MAGI1: variants seen among roughly 807,000 people sequenced by gnomAD.
MAGI1 encodes membrane-associated guanylate kinase, WW and PDZ domain-containing protein 1.
MAGI1 carries 58 observed loss-of-function variants against 139.9 expected under a neutral mutation model. The observed-to-expected ratio is 0.41, with a 90% CI of 0.34 to 0.52. The LOEUF (loss-of-function observed/expected upper bound fraction) is 0.52. Among genes scored for constraint, MAGI1 ranks in the 20% least tolerant of loss-of-function variants. The probability of loss-of-function intolerance (pLI) is 0.12; values close to 1 mark genes in which losing one functional copy is unlikely to be tolerated. For missense variants in MAGI1, 1,874 were observed against 1,901.6 expected (o/e 0.99, Z 0.27); for synonymous variants, 812 against 737.9 (o/e 1.10, Z -1.63).
intron 1 of MAGI1, among the ~76,000 whole-genome samples, chr3:65,922,312 C>G (rs1309126538): frequency 6.6e-6 from 1 of 152,180 alleles, no homozygotes; most frequent in African/African-American, 2.4e-5. Flanking sequence ...ACATGTGACC[C>G]TATTTAGAAA....
At chr3:65,691,307 A>AAAAAAAAAAAAAGAAAAAAAAG (rs1388046202) in intron 1 of MAGI1, among the ~76,000 whole-genome samples, 1 of 133,658 alleles carries the variant, frequency 7.5e-6, no homozygotes, top group Non-Finnish European at 1.7e-5. Flanking sequence ...CGTCTCAAAA[A>AAAAAAAAAAAAAGAAAAAAAAG]AAAAAAAAGA....
chr3:65,676,746 C>T (rs2087215812), intron 1 of MAGI1, among the ~76,000 whole-genome samples: 1 of 152,206 alleles, frequency 6.6e-6, no homozygotes, highest in African/African-American at 2.4e-5. Flanking sequence ...AAGCCCAATC[C>T]TTTTGTTCTT....
At chr3:65,916,190 C>A (rs2061896645) in intron 1 of MAGI1, among the ~76,000 whole-genome samples, 1 of 152,010 alleles carries the variant, frequency 6.6e-6, no homozygotes, top group African/African-American at 2.4e-5. Context: ...CCTAAACCTC[C>A]CAAGAAGCTG....
chr3:65,379,369 T>C lies in MAGI1; in HGVS notation c.2887A>G (p.Ser963Gly). 1.6e-5 allele frequency: 26 copies of C among 1,612,634 alleles called. No individual in the cohort carries two copies. The highest frequency in any genetic ancestry group is 2.2e-5 in the Non-Finnish European group (26 of 1,179,212). ...SGGGGGSGVV[S>G]TVVQPYDVEI... is the part of the protein sequence containing the mutation. The stretch of plus-strand genomic sequence containing the variant: ...ACGTCGTAGGGCTGCACCACGGTGC[T>C]GACCACGCCGCTGCCCCCGCCGCCG... Residue 963 changes from serine (S) to glycine (G), a missense_variant, in exon 17 of 23, where the codon AGC becomes GGC. By Grantham distance (56) the Ser-to-Gly change is moderately conservative. This residue lies in a region of MAGI1 where 482 missense variants were observed against 509.6 expected (regional missense o/e 0.95). Transcript: ENST00000402939.
intron 1 of MAGI1, among the ~76,000 whole-genome samples, chr3:66,007,268 T>C (rs927673962): frequency 3.9e-5 from 6 of 152,184 alleles, no homozygotes; most frequent in Non-Finnish European, 2.9e-5. Context: ...ACTTTATCAG[T>C]TCTATCTCAT....
At chr3:65,907,892 C>T (rs548213895) in intron 1 of MAGI1, among the ~76,000 whole-genome samples, 10 of 152,226 alleles carry the variant, frequency 6.6e-5, no homozygotes, top group Non-Finnish European at 1.2e-4. Flanking sequence ...CTCATACTTG[C>T]GTCTCAACTT....
At chr3:65,579,530 G>A (rs952544322) in intron 2 of MAGI1, among the ~76,000 whole-genome samples, 12 of 152,264 alleles carry the variant, frequency 7.9e-5, no homozygotes, top group African/African-American at 2.2e-4. Flanking sequence ...GGATAAACAC[G>A]AATGGAGAAT....
At chr3:65,889,907 C>A in intron 1 of MAGI1, among the ~76,000 whole-genome samples, 1 of 152,264 alleles carries the variant, frequency 6.6e-6, no homozygotes, top group South Asian at 2.1e-4. Context: ...GAGGATGCTG[C>A]CACATGTATG....
chr3:65,902,282 C>T (rs1053171369), intron 1 of MAGI1, among the ~76,000 whole-genome samples: 1 of 152,184 alleles, frequency 6.6e-6, no homozygotes, highest in Non-Finnish European at 1.5e-5. Context: ...GCTCCCACCT[C>T]CAAAGTATCT....
rs34556532 is a variant in MAGI1 at position 65,496,208 on chromosome 3, A to ATTT, written c.431-2580_431-2578dup. 7.6e-3 allele frequency among the ~76,000 whole-genome samples: 1,121 copies of ATTT among 146,872 alleles called. 9 individuals carry two copies. The highest frequency in any genetic ancestry group is 0.022 in the African/African-American group (877 of 39,950). ...AGGCACGTGCCACCACACCCAGCTA[A>ATTT]TTTTTTTTTTTTTGTACAAATGGGG... On this transcript the variant is annotated intron_variant, in intron 2 of 22. Transcript: ENST00000402939.
intron 2 of MAGI1, among the ~76,000 whole-genome samples, chr3:65,572,889 T>C (rs761568914): frequency 5.9e-5 from 9 of 151,744 alleles, no homozygotes; most frequent in Non-Finnish European, 1.2e-4. Flanking sequence ...ATTTGATTTG[T>C]TTCCAGAAGG....
At chr3:65,802,434 G>A (rs544937678) in intron 1 of MAGI1, among the ~76,000 whole-genome samples, 11 of 152,190 alleles carry the variant, frequency 7.2e-5, no homozygotes, top group South Asian at 6.2e-4. Context: ...TGAGTTACTC[G>A]TGTAATTAAA....
At chr3:66,006,106 G>A (rs1056184613) in intron 1 of MAGI1, among the ~76,000 whole-genome samples, 1 of 152,138 alleles carries the variant, frequency 6.6e-6, no homozygotes, top group Non-Finnish European at 1.5e-5. Flanking sequence ...ACCACTACCA[G>A]ACACAGCCAA....
intron 1 of MAGI1, among the ~76,000 whole-genome samples, chr3:65,775,017 C>G (rs971382842): frequency 6.6e-6 from 1 of 152,060 alleles, no homozygotes; most frequent in Non-Finnish European, 1.5e-5. Context: ...AATAAGAGCT[C>G]AATAAATATT....
At chr3:65,817,787 T>G (rs1307183400) in intron 1 of MAGI1, among the ~76,000 whole-genome samples, 1 of 152,212 alleles carries the variant, frequency 6.6e-6, no homozygotes, top group African/African-American at 2.4e-5. Context: ...ACACCACTTT[T>G]ATCACAGTAA....
chr3:65,998,697 T>G (rs552855121), intron 1 of MAGI1, among the ~76,000 whole-genome samples: 137 of 151,966 alleles, frequency 9.0e-4, no homozygotes, highest in South Asian at 3.3e-3. Flanking sequence ...TTTTGGGGGG[T>G]TTTTCTTTTT....
chr3:66,028,308 C>A (rs1330508696), intron 1 of MAGI1, among the ~76,000 whole-genome samples: 1 of 152,140 alleles, frequency 6.6e-6, no homozygotes, highest in African/African-American at 2.4e-5. Flanking sequence ...CAATGAGCAC[C>A]ACTTAAGAGC....
intron 1 of MAGI1, among the ~76,000 whole-genome samples, chr3:65,670,145 T>C (rs114081210): frequency 1.6e-4 from 25 of 152,282 alleles, no homozygotes; most frequent in Non-Finnish European, 3.4e-4. Context: ...TGATGTCTCA[T>C]CATTCTTAGT....
intron 13 of MAGI1, among the ~76,000 whole-genome samples, chr3:65,401,109 T>C (rs764286720): frequency 1.3e-5 from 2 of 151,940 alleles, no homozygotes; most frequent in Non-Finnish European, 1.5e-5. Flanking sequence ...AAGGAAACAA[T>C]AGCATTTGTA....
Sources: gnomAD v4.1 joint callset for allele counts (sites outside exome capture counted in the v4.1 genomes callset) on GRCh38, gnomAD v4.1.1 for gene constraint, gnomAD v4.1.1 regional missense constraint, MANE v1.5 for transcripts, NCBI Gene and HGNC (gene_info 2026-07-23, HGNC 2026-07-21) for gene names.